The following ERBIN variants were observed in gnomAD, a reference collection of about 807,000 sequenced individuals.
ERBIN encodes erbb2 interacting protein, also known as densin-180-like protein.
Under a neutral mutation model 158.4 loss-of-function variants are expected in ERBIN, and 60 were observed. The observed-to-expected ratio is 0.38, with a 90% CI of 0.31 to 0.47. ERBIN has a LOEUF of 0.47. Among genes scored for constraint, ERBIN ranks in the 20% least tolerant of loss-of-function variants. ERBIN has a pLI of 0.99. For synonymous variants in ERBIN, 594 were observed against 557.2 expected (o/e 1.07, Z -0.93); for missense variants, 1,610 against 1,648.0 (o/e 0.98, Z 0.40).
chr5:66,043,286 AAC>A, intron 16 of ERBIN, 88 bp downstream of exon 16: 5 of 1,327,406 alleles, frequency 3.8e-6, no homozygotes, highest in Non-Finnish European at 5.2e-6. Context: ...CTGGGGATAT[AAC>A]AAAGTATTGA....
rs1256127466 is a variant in ERBIN, at chr5:66,080,673, A to G, written c.*2143A>G. The stretch of plus-strand genomic sequence containing the variant: ...AAGTATAATTGTGAAGTTTTCAACT[A>G]CTTTACCTTGAACCACATATACCAA... On this transcript the variant is annotated 3_prime_UTR_variant, in exon 26 of 26. Transcript: ENST00000284037. 1.3e-5 allele frequency: 2 copies of G among 152,078 alleles called. No homozygotes were observed. Among genetic ancestry groups the G allele is most frequent in the Non-Finnish European group, 2.9e-5 (2 of 67,922 alleles). 9.4% of individuals were successfully genotyped at this position (152,078 alleles called of 1,614,324 possible).
At chr5:66,035,797 AATT>A (rs1232738176) in intron 14 of ERBIN, among the ~76,000 whole-genome samples, 2 of 152,228 alleles carry the variant, frequency 1.3e-5, no homozygotes, top group Middle Eastern at 3.2e-3. Flanking sequence ...GCTACTAAAA[AATT>A]ATAAGTAATC....
intron 21 of ERBIN, among the ~76,000 whole-genome samples, chr5:66,057,794 A>G (rs1020998173): frequency 1.1e-4 from 17 of 148,750 alleles, no homozygotes; most frequent in African/African-American, 2.5e-4. Context: ...GAGTGAGAAC[A>G]TGCGGTGTTT....
intron 1 of ERBIN, among the ~76,000 whole-genome samples, chr5:65,932,195 T>C (rs12656144): frequency 6.6e-6 from 1 of 151,576 alleles, no homozygotes; most frequent in Non-Finnish European, 1.5e-5. Context: ...AAAAATTAGC[T>C]CGGTGTGGTC....
chr5:66,044,727 T>A (rs551551491), intron 17 of ERBIN, among the ~76,000 whole-genome samples: 3 of 151,794 alleles, frequency 2.0e-5, no homozygotes, highest in Non-Finnish European at 4.4e-5. Flanking sequence ...ATCGTACCAC[T>A]GTGCTCCAGC....
intron 13 of ERBIN, among the ~76,000 whole-genome samples, chr5:66,027,465 CTTGTAT>C (rs1240250384): frequency 8.6e-5 from 13 of 151,978 alleles, no homozygotes; most frequent in Middle Eastern, 6.8e-3. Context: ...ATAGTTGACC[CTTGTAT>C]TTGTGGGTTC....
intron 21 of ERBIN, among the ~76,000 whole-genome samples, chr5:66,067,865 A>C (rs1442379269): frequency 3.3e-5 from 5 of 152,138 alleles, no homozygotes; most frequent in Non-Finnish European, 5.9e-5. Flanking sequence ...GGTCCCAGCT[A>C]CTCAGGAGCC....
intron 21 of ERBIN, among the ~76,000 whole-genome samples, chr5:66,061,525 A>G (rs992100235): frequency 6.6e-6 from 1 of 152,030 alleles, no homozygotes; most frequent in African/African-American, 2.4e-5. Context: ...TTTTAATTGG[A>G]GCATTTAGCC....
In ERBIN at chr5:65,992,899, C is replaced by T; in HGVS notation, c.181C>T (p.Leu61Phe). 6.3e-7 allele frequency: 1 copy of T among 1,586,376 alleles called. No individual in the cohort carries two copies. Among genetic ancestry groups the T allele is most frequent in the Non-Finnish European group, 8.5e-7 (1 of 1,169,884 alleles). ...TTTAGATGCTAATCAGATTGAAGAGCTTCCAAAGGTATGCTAATACTTTCT... is the reference window on the plus strand; with the variant it reads ...TTTAGATGCTAATCAGATTGAAGAGTTTCCAAAGGTATGCTAATACTTTCT... ...LYLDANQIEE[L>F]PKQLFNCQSL... Residue 61 changes from leucine (L) to phenylalanine (F), a missense_variant, in exon 3 of 26, where the codon CTT becomes TTT. Physicochemically the swap from Leu to Phe is conservative, Grantham distance 22 (BLOSUM62 0). Transcript: ENST00000284037.
intron 13 of ERBIN, among the ~76,000 whole-genome samples, chr5:66,027,328 T>G (rs6861436): frequency 0.04 from 6,132 of 152,110 alleles, 420 homozygotes; most frequent in African/African-American, 0.14. Context: ...AGCCTTTAAT[T>G]CCTACGGCCC....
chr5:65,979,277 C>T (rs1001039467), intron 1 of ERBIN, among the ~76,000 whole-genome samples: 1 of 76,690 alleles, frequency 1.3e-5, no homozygotes, highest in Non-Finnish European at 4.3e-5. Flanking sequence ...AAATAAAAAA[C>T]TGCTGACTGT....
At position 66,076,323 on chromosome 5, in the gene ERBIN, T is replaced by C. The variant is rs981436682; in HGVS notation, c.3971T>C (p.Val1324Ala). Residue 1324 changes from valine to alanine, a missense_variant, in exon 24 of 26, where the codon GTG becomes GCG. This residue lies in a region of ERBIN where 1,014 missense variants were observed against 936.1 expected (regional missense o/e 1.08). Coordinates refer to ENST00000284037, the MANE Select transcript of ERBIN (RefSeq NM_001253697.2). ...GHELAKQEIRVRVEKDPELGF... is the reference protein window; with the variant it reads ...GHELAKQEIRARVEKDPELGF... ...ATTTTCATATTAACTCAGATTCGAG[T>C]GAGGGTTGAAAAGGATCCAGAACTT... 2 of 1,612,604 alleles carry C rather than the reference T, an allele frequency of 1.2e-6. No homozygotes were observed. The highest frequency in any genetic ancestry group is 8.5e-7 in the Non-Finnish European group (1 of 1,179,538).
At chr5:65,985,575 A>G (rs531421271) in intron 1 of ERBIN, among the ~76,000 whole-genome samples, 22 of 152,266 alleles carry the variant, frequency 1.4e-4, no homozygotes, top group African/African-American at 4.1e-4. Flanking sequence ...ATTGGTGGCA[A>G]AGTTTACTAG....
intron 1 of ERBIN, among the ~76,000 whole-genome samples, chr5:65,946,974 A>T (rs1325264321): frequency 6.6e-6 from 1 of 151,290 alleles, no homozygotes; most frequent in East Asian, 1.9e-4. Flanking sequence ...TTTTGTAAGT[A>T]TTGAATTTTG....
At chr5:66,018,925 G>A (rs1755377242) in intron 7 of ERBIN, among the ~76,000 whole-genome samples, 1 of 151,564 alleles carries the variant, frequency 6.6e-6, no homozygotes, top group African/African-American at 2.4e-5. Context: ...GTGAGCCAGT[G>A]CACCTGGCCG....
In ERBIN at chr5:66,053,391, T is replaced by C; in HGVS notation, c.2088-15T>C. On this transcript the variant is annotated splice_polypyrimidine_tract_variant and intron_variant, in intron 20 of 25. Coordinates refer to ENST00000284037, the MANE Select transcript of ERBIN (RefSeq NM_001253697.2). ...CGGCTTTATTATGTTTTTCATAAAA[T>C]TATCTTTATTTTAGGCAAGAAGATG... 7.2e-7 allele frequency: 1 copy of C among 1,398,386 alleles called. No individual in the cohort carries two copies. Among genetic ancestry groups the C allele is most frequent in the African/African-American group, 1.4e-5 (1 of 69,342 alleles). 86.6% of individuals were successfully genotyped at this position (1,398,386 alleles called of 1,614,324 possible).
intron 14 of ERBIN, among the ~76,000 whole-genome samples, chr5:66,028,587 C>T (rs1331007467): frequency 3.3e-5 from 5 of 152,018 alleles, no homozygotes; most frequent in East Asian, 1.9e-4. Flanking sequence ...AAATATTGAG[C>T]GATTAGGAAA....
intron 4 of ERBIN, among the ~76,000 whole-genome samples, chr5:65,995,109 A>T (rs540601423): frequency 6.6e-6 from 1 of 152,214 alleles, no homozygotes; most frequent in African/African-American, 2.4e-5. Context: ...TAATATGTGT[A>T]TGTAAAATCT....
intron 1 of ERBIN, among the ~76,000 whole-genome samples, chr5:65,954,929 G>C (rs945625171): frequency 2.0e-5 from 3 of 152,022 alleles, no homozygotes; most frequent in African/African-American, 7.2e-5. Flanking sequence ...GCCGGGCATG[G>C]TGGTGGGCGC....
Sources: allele counts gnomAD v4.1 joint callset (sites outside exome capture counted in the v4.1 genomes callset), GRCh38; gene constraint gnomAD v4.1.1; regional missense constraint gnomAD v4.1.1; transcripts MANE v1.5; gene names NCBI Gene and HGNC (gene_info 2026-07-23, HGNC 2026-07-21).